The following TSHZ2 variants were observed in gnomAD, a reference collection of about 807,000 sequenced individuals.
The protein encoded by TSHZ2 is teashirt zinc finger homeobox 2.
Under a neutral mutation model 74.4 loss-of-function variants are expected in TSHZ2, and 21 were observed. The ratio of observed to expected loss-of-function variants is 0.28; its 90% CI spans 0.20 to 0.41. The LOEUF (loss-of-function observed/expected upper bound fraction) is 0.41. Among genes scored for constraint, TSHZ2 ranks in the 10% least tolerant of loss-of-function variants. The pLI is 1.00. For missense variants in TSHZ2, 1,244 were observed against 1,293.5 expected (o/e 0.96, Z 0.59); for synonymous variants, 540 against 515.3 (o/e 1.05, Z -0.65).
At chr20:53,385,173 C>G (rs552788439) in intron 2 of TSHZ2, among the ~76,000 whole-genome samples, 1 of 152,108 alleles carries the variant, frequency 6.6e-6, no homozygotes, top group Admixed American at 6.5e-5. Flanking sequence ...AAGGAGTCAA[C>G]CCAGATCTAG....
chr20:53,335,951 C>T (rs1979928825), intron 2 of TSHZ2, among the ~76,000 whole-genome samples: 1 of 152,212 alleles, frequency 6.6e-6, no homozygotes, highest in African/African-American at 2.4e-5. Flanking sequence ...GGAGTCTAAT[C>T]AGGATATTAA....
chr20:53,259,578 A>G (rs1990559465), intron 2 of TSHZ2, among the ~76,000 whole-genome samples: 1 of 152,236 alleles, frequency 6.6e-6, no homozygotes. Flanking sequence ...ATAGTGTACA[A>G]GCTTAACAGC....
At chr20:53,318,606 C>G (rs908524730) in intron 2 of TSHZ2, among the ~76,000 whole-genome samples, 1 of 152,130 alleles carries the variant, frequency 6.6e-6, no homozygotes, top group Admixed American at 6.6e-5. Context: ...AAGTTGGCAT[C>G]GTGGGCAGGA....
In TSHZ2 at chr20:53,098,483, C is replaced by T. The variant is rs571042435; in HGVS notation, c.40+125150C>T. On this transcript the variant is annotated intron_variant, in intron 1 of 2. Transcript: ENST00000371497. The stretch of plus-strand genomic sequence containing the variant: ...GTGCTTACTTTGTGTACTGTCCTAG[C>T]AATTAGTAAGTCAACAACTAAAGAG... Among the ~76,000 whole-genome samples, 6 of 152,240 alleles carry T rather than the reference C, an allele frequency of 3.9e-5. No individual in the cohort carries two copies. The South Asian group carries it at 1.2e-3, about 32-fold the overall frequency.
At chr20:53,210,030 G>C (rs1989262738) in intron 1 of TSHZ2, among the ~76,000 whole-genome samples, 1 of 152,234 alleles carries the variant, frequency 6.6e-6, no homozygotes, top group Non-Finnish European at 1.5e-5. Flanking sequence ...CGTTAAGTCG[G>C]AAAGAAGCAA....
At position 53,056,200 on chromosome 20, in the gene TSHZ2, G is replaced by A. The variant is rs141628962; in HGVS notation, c.40+82867G>A. ...TGCTTCAGCCTTTTTTCTTATAGCAGAGAGGGCTCCTAAAGTCCTTCTGTG... is the reference window on the plus strand; with the variant it reads ...TGCTTCAGCCTTTTTTCTTATAGCAAAGAGGGCTCCTAAAGTCCTTCTGTG... On this transcript the variant is annotated intron_variant, in intron 1 of 2. Transcript: ENST00000371497. Among the ~76,000 whole-genome samples the A allele has an allele frequency of 1.6e-4, 25 of 152,288 alleles. No individual in the cohort carries two copies. In the South Asian group the frequency reaches 5.2e-3, roughly 32 times the overall value.
intron 2 of TSHZ2, among the ~76,000 whole-genome samples, chr20:53,424,150 A>G (rs1166786678): frequency 2.0e-5 from 3 of 152,364 alleles, no homozygotes; most frequent in South Asian, 2.1e-4. Flanking sequence ...TAATTCTGTT[A>G]TGGCAGCTGT....
chr20:53,265,506 G>T (rs141614026), intron 2 of TSHZ2, among the ~76,000 whole-genome samples: 1 of 152,148 alleles, frequency 6.6e-6, no homozygotes, highest in Non-Finnish European at 1.5e-5. Flanking sequence ...CTCCAGCCCC[G>T]CAGCGTTAAC....
chr20:53,405,264 G>A (rs1982808253), intron 2 of TSHZ2, among the ~76,000 whole-genome samples: 1 of 134,256 alleles, frequency 7.4e-6, no homozygotes, highest in Non-Finnish European at 1.5e-5. Context: ...AAAAAACAAA[G>A]TTGCATCATA....
chr20:52,976,474 C>T (rs1981343456), intron 1 of TSHZ2, among the ~76,000 whole-genome samples: 2 of 152,344 alleles, frequency 1.3e-5, no homozygotes, highest in Non-Finnish European at 1.5e-5. Flanking sequence ...TCCACTATTA[C>T]CTGAAAATAT....
At chr20:53,170,662 C>T (rs1320367513) in intron 1 of TSHZ2, among the ~76,000 whole-genome samples, 1 of 152,202 alleles carries the variant, frequency 6.6e-6, no homozygotes, top group Admixed American at 6.5e-5. Context: ...GCAAATGTAA[C>T]CCCAGTTGTG....
chr20:53,030,889 TC>T (rs1983610648), intron 1 of TSHZ2, among the ~76,000 whole-genome samples: 1 of 152,216 alleles, frequency 6.6e-6, no homozygotes, highest in African/African-American at 2.4e-5. Flanking sequence ...AATATCTTTT[TC>T]CATCAACAGA....
At chr20:53,017,002 A>G (rs1983061822) in intron 1 of TSHZ2, among the ~76,000 whole-genome samples, 3 of 152,188 alleles carry the variant, frequency 2.0e-5, no homozygotes, top group Non-Finnish European at 4.4e-5. Flanking sequence ...GAGAAGGAGA[A>G]TGGAAATAAC....
chr20:53,131,571 C>G (rs755858873), intron 1 of TSHZ2, among the ~76,000 whole-genome samples: 4 of 152,222 alleles, frequency 2.6e-5, no homozygotes, highest in Non-Finnish European at 5.9e-5. Context: ...GGCCCCACTC[C>G]ACGCCTCCTG....
intron 2 of TSHZ2, among the ~76,000 whole-genome samples, chr20:53,481,150 C>A (rs910041256): frequency 6.6e-6 from 1 of 152,266 alleles, no homozygotes; most frequent in South Asian, 2.1e-4. Context: ...TCATTCTGAA[C>A]AGCAGGAAAT....
Position 53,436,683 on chromosome 20 carries a change from T to C in TSHZ2, c.*9-50461T>C, listed in dbSNP as rs373286480. Among the ~76,000 whole-genome samples the C allele has an allele frequency of 2.0e-5, 3 of 151,476 alleles. No individual in the cohort carries two copies. In the East Asian group the frequency reaches 5.8e-4, roughly 29 times the overall value. On this transcript the variant is annotated intron_variant, in intron 2 of 2. Transcript: ENST00000371497. ...GCCTCAGCCTCCCCAGTAGCTGGGA[T>C]TACAGTCATCTTCCACCACGTCCGG...
At chr20:53,140,910 G>A (rs1022950295) in intron 1 of TSHZ2, among the ~76,000 whole-genome samples, 3 of 152,200 alleles carry the variant, frequency 2.0e-5, no homozygotes, top group African/African-American at 4.8e-5. Context: ...TCCCAAACCC[G>A]TATCTTGCCT....
At chr20:53,147,226 T>C (rs10485451) in intron 1 of TSHZ2, among the ~76,000 whole-genome samples, 11,211 of 152,300 alleles carry the variant, frequency 0.074, 570 homozygotes, top group Middle Eastern at 0.12. Context: ...TAAATTAACT[T>C]TGATCTCTTT....
At chr20:53,097,891 G>A (rs1348489990) in intron 1 of TSHZ2, 1 of 152,234 alleles carries the variant, frequency 6.6e-6, no homozygotes, top group East Asian at 1.9e-4. Flanking sequence ...TGCTCTCAAG[G>A]TCCATTAGAT....
Sources: allele counts gnomAD v4.1 joint callset (sites outside exome capture counted in the v4.1 genomes callset), GRCh38; gene constraint gnomAD v4.1.1; transcripts MANE v1.5; gene names NCBI Gene and HGNC (gene_info 2026-07-23, HGNC 2026-07-21).